Variants in THNSL1 observed in about 807,000 individuals in gnomAD.
THNSL1 encodes the protein threonine synthase-like 1.
Under a neutral mutation model 50.4 loss-of-function variants are expected in THNSL1, and 48 were observed. The ratio of observed to expected loss-of-function variants is 0.95; its 90% CI spans 0.76 to 1.21. The LOEUF is 1.21. Ranked by LOEUF, THNSL1 falls within the 50% of genes most tolerant of loss-of-function variation. THNSL1 has a pLI of 0.00. For missense variants in THNSL1, 896 were observed against 871.7 expected (o/e 1.03, Z -0.35); for synonymous variants, 309 against 306.1 (o/e 1.01, Z -0.10).
At position 25,024,552 on chromosome 10, in the gene THNSL1, T is replaced by C. The variant is rs999787683; in HGVS notation, c.1329T>C (p.Ala443=). ...CAGATTTTGATTTTTGCCAGACAGC[T>C]ATAAAAAGAATTTTTAATGATTCTG... is the stretch of plus-strand genomic sequence containing the variant. ...VESDFDFCQT[A]IKRIFNDSDF... The change falls in exon 3 of 3, where the codon GCT becomes GCC. Residue 443 remains alanine (A), a synonymous_variant. Transcript: ENST00000376356. 6.2e-7 allele frequency: 1 copy of C among 1,614,052 alleles called. No homozygotes were observed. Among genetic ancestry groups the C allele is most frequent in the African/African-American group, 1.3e-5 (1 of 74,918 alleles).
At chr10:24,980,162 C>T in the THNSL1 span, among the ~76,000 whole-genome samples, 1 of 152,176 alleles carries the variant, frequency 6.6e-6, no homozygotes, top group African/African-American at 2.4e-5. Context: ...CGTGCCACCT[C>T]TCTGCTTAAA....
At chr10:25,002,497 T>G in the THNSL1 span, among the ~76,000 whole-genome samples, 10 of 152,196 alleles carry the variant, frequency 6.6e-5, no homozygotes, top group Non-Finnish European at 1.2e-4. Context: ...GCTGGGGCAG[T>G]CGTAGGGCTT....
At chr10:25,000,478 T>G in the THNSL1 span, among the ~76,000 whole-genome samples, 2 of 152,160 alleles carry the variant, frequency 1.3e-5, no homozygotes, top group African/African-American at 2.4e-5. Context: ...TTTTGCTTTA[T>G]GTATTTTGAA....
chr10:24,968,117 T>C, the THNSL1 span, among the ~76,000 whole-genome samples: 10 of 151,952 alleles, frequency 6.6e-5, no homozygotes, highest in South Asian at 2.1e-4. Flanking sequence ...GGAAATGTCA[T>C]TACCTGATAG....
At chr10:24,977,197 A>C in the THNSL1 span, among the ~76,000 whole-genome samples, 1 of 152,246 alleles carries the variant, frequency 6.6e-6, no homozygotes, top group Non-Finnish European at 1.5e-5. Context: ...GCTGTGACAG[A>C]AGAAAACCAA....
the THNSL1 span, among the ~76,000 whole-genome samples, chr10:25,008,172 C>A: frequency 6.6e-5 from 10 of 152,124 alleles, no homozygotes; most frequent in African/African-American, 2.4e-4. Context: ...AAAATAGCTT[C>A]TAACACTACT....
chr10:24,998,096 C>A, the THNSL1 span, among the ~76,000 whole-genome samples: 1 of 151,934 alleles, frequency 6.6e-6, no homozygotes, highest in Admixed American at 6.6e-5. Context: ...GTGCCCTCAC[C>A]TTTTTTCATG....
the THNSL1 span, among the ~76,000 whole-genome samples, chr10:24,962,588 G>T: frequency 2.6e-5 from 4 of 152,206 alleles, no homozygotes; most frequent in African/African-American, 9.6e-5. Flanking sequence ...AAAAGGATTA[G>T]AAGAAGTGTA....
At chr10:24,958,479 A>T in the THNSL1 span, among the ~76,000 whole-genome samples, 3 of 152,226 alleles carry the variant, frequency 2.0e-5, no homozygotes, top group Non-Finnish European at 4.4e-5. Context: ...TTTTCCCTCT[A>T]CATAAATACA....
intron 1 of THNSL1, among the ~76,000 whole-genome samples, chr10:25,017,248 G>C (rs756781345): frequency 6.6e-6 from 1 of 152,188 alleles, no homozygotes; most frequent in Non-Finnish European, 1.5e-5. Flanking sequence ...CTGAGAAGCG[G>C]TTTTATTCCT....
intron 1 of THNSL1, among the ~76,000 whole-genome samples, chr10:25,019,262 C>G (rs1300922509): frequency 6.6e-6 from 1 of 152,134 alleles, no homozygotes; most frequent in Non-Finnish European, 1.5e-5. Flanking sequence ...CTGCTTGAGC[C>G]CAGGAGTTGG....
At chr10:24,952,443 C>A in the THNSL1 span, 2 of 1,453,456 alleles carry the variant, frequency 1.4e-6, no homozygotes, top group East Asian at 2.5e-5. The surrounding 1 kb of genome is among the most constrained non-coding windows in gnomAD (Gnocchi z 5.1). Flanking sequence ...TCTCCCCCGA[C>A]GCACGGCAAG....
the THNSL1 span, among the ~76,000 whole-genome samples, chr10:25,005,129 TGTACCA>T: frequency 6.6e-6 from 1 of 152,152 alleles, no homozygotes; most frequent in Non-Finnish European, 1.5e-5. Context: ...TGTCTGTTCT[TGTACCA>T]GTACCATGCT....
chr10:24,998,373 CTCTCTCTCTT>C, the THNSL1 span, among the ~76,000 whole-genome samples: 1 of 132,814 alleles, frequency 7.5e-6, no homozygotes, highest in South Asian at 2.8e-4. Context: ...CTCTCTCTCT[CTCTCTCTCTT>C]TCTTTTTTTG....
At chr10:24,980,595 C>A in the THNSL1 span, among the ~76,000 whole-genome samples, 1 of 152,176 alleles carries the variant, frequency 6.6e-6, no homozygotes, top group African/African-American at 2.4e-5. Flanking sequence ...TGGCACATGG[C>A]AGATAGTCAA....
the THNSL1 span, among the ~76,000 whole-genome samples, chr10:24,955,164 G>A: frequency 2.6e-5 from 4 of 152,186 alleles, no homozygotes; most frequent in Non-Finnish European, 5.9e-5. Context: ...GAGAGAGCAA[G>A]GGTGTAGTGC....
the THNSL1 span, among the ~76,000 whole-genome samples, chr10:24,967,822 T>C: frequency 6.4e-4 from 97 of 152,056 alleles, no homozygotes; most frequent in South Asian, 2.5e-3. Flanking sequence ...TATGTGCATG[T>C]ATATGATGTG....
At chr10:24,978,992 G>T in the THNSL1 span, among the ~76,000 whole-genome samples, 1 of 152,148 alleles carries the variant, frequency 6.6e-6, no homozygotes, top group Non-Finnish European at 1.5e-5. Context: ...TCAGCAGAAA[G>T]AAACTAATCC....
the THNSL1 span, among the ~76,000 whole-genome samples, chr10:24,995,025 A>G: frequency 6.6e-6 from 1 of 152,200 alleles, no homozygotes; most frequent in Non-Finnish European, 1.5e-5. Flanking sequence ...TGTCTCAAAA[A>G]AAATCTATAT....
Sources: allele counts gnomAD v4.1 joint callset (sites outside exome capture counted in the v4.1 genomes callset), GRCh38; gene constraint gnomAD v4.1.1; non-coding constraint Gnocchi (gnomAD v3.1); transcripts MANE v1.5; gene names NCBI Gene and HGNC (gene_info 2026-07-23, HGNC 2026-07-21).